NDST4: variants seen among roughly 807,000 people sequenced by gnomAD.
The protein encoded by NDST4 is N-deacetylase and N-sulfotransferase 4.
NDST4 carries 63 observed loss-of-function variants against 100.8 expected under a neutral mutation model. That is an observed-to-expected ratio of 0.62 (90% confidence interval 0.51 to 0.77). The LOEUF is 0.77. NDST4 is among the 30% of genes least tolerant of loss of function. The probability of loss-of-function intolerance (pLI) is 0.00; values close to 1 mark genes in which losing one functional copy is unlikely to be tolerated. For missense variants in NDST4, 943 were observed against 1,018.4 expected (o/e 0.93, Z 1.01); for synonymous variants, 377 against 361.8 (o/e 1.04, Z -0.48).
rs1461508006 is a variant in NDST4, at chr4:115,108,862, G to T, written c.-247+4582C>A. ...AAACCAGGTTATTAGATTAATAATT[G>T]CCACAATACTAAAGATGAGTGATTT... On this transcript the variant is annotated intron_variant, in intron 1 of 13. Coordinates refer to ENST00000264363, the MANE Select transcript of NDST4 (RefSeq NM_022569.3). Among the ~76,000 whole-genome samples the T allele has an allele frequency of 2.0e-5, 3 of 151,688 alleles. 1 individual carries two copies. The South Asian group carries it at 6.2e-4, about 31-fold the overall frequency.
intron 2 of NDST4, among the ~76,000 whole-genome samples, chr4:115,011,315 T>G (rs954379221): frequency 6.6e-6 from 1 of 152,022 alleles, no homozygotes; most frequent in Non-Finnish European, 1.5e-5. Flanking sequence ...CTGGTACTTA[T>G]CTATATTTCT....
Position 114,974,190 on chromosome 4 carries a change from C to T in NDST4, c.1066+2997G>A, listed in dbSNP as rs116788568. On this transcript the variant is annotated intron_variant, in intron 3 of 13. Coordinates refer to ENST00000264363, the MANE Select transcript of NDST4 (RefSeq NM_022569.3). ...AATTTAAGTAAACTGTGTTCAAATG[C>T]TGGCAAAATGTCAGAATCTGGATTT... 8.2e-3 allele frequency among the ~76,000 whole-genome samples: 1,246 copies of T among 151,974 alleles called. 14 individuals carry two copies. The highest frequency in any genetic ancestry group is 0.027 in the African/African-American group (1,100 of 41,474).
intron 1 of NDST4, among the ~76,000 whole-genome samples, chr4:115,113,141 A>G (rs1469060267): frequency 6.6e-6 from 1 of 151,996 alleles, no homozygotes; most frequent in Non-Finnish European, 1.5e-5. Flanking sequence ...GTTGTTATCA[A>G]ATAAGATATT....
Position 114,829,882 on chromosome 4 carries a change from G to A in NDST4, c.2407C>T (p.Gln803Ter), listed in dbSNP as rs552026693. 1 of 1,609,866 alleles carries A rather than the reference G, an allele frequency of 6.2e-7. No individual in the cohort carries two copies. Among genetic ancestry groups the A allele is most frequent in the African/African-American group, 1.3e-5 (1 of 74,804 alleles). ...AGTAATTGACACCAAAAACCCTTTT[G>A]GGGATCAAACCTACAGTACATAAAA... ...NYSEALTFDP[Q>*]KGFWCQLLEG... The change falls in exon 13 of 14, where the codon CAA becomes TAA. Residue 803 changes from glutamine (Q) to a stop codon, truncating the protein, a stop_gained. Transcript: ENST00000264363. LOFTEE classifies it high-confidence loss of function.
At chr4:115,057,977 T>G (rs1303104255) in intron 2 of NDST4, among the ~76,000 whole-genome samples, 1 of 152,112 alleles carries the variant, frequency 6.6e-6, no homozygotes, top group Non-Finnish European at 1.5e-5. Context: ...ACTGTAAGCA[T>G]GTGTATATGT....
intron 3 of NDST4, among the ~76,000 whole-genome samples, chr4:114,974,310 A>G (rs533549528): frequency 6.6e-6 from 1 of 152,256 alleles, no homozygotes; most frequent in Admixed American, 6.5e-5. Flanking sequence ...AGAAGGGGTA[A>G]GAATGTAACA....
intron 2 of NDST4, among the ~76,000 whole-genome samples, chr4:114,997,937 A>G (rs188897867): frequency 6.6e-6 from 1 of 152,208 alleles, no homozygotes; most frequent in Admixed American, 6.6e-5. Context: ...GATTTGTTGG[A>G]AATGACAGGC....
intron 6 of NDST4, among the ~76,000 whole-genome samples, chr4:114,897,090 C>T (rs970302729): frequency 6.6e-6 from 1 of 152,110 alleles, no homozygotes; most frequent in Non-Finnish European, 1.5e-5. Flanking sequence ...CATTATTACC[C>T]AGAGTCCACA....
At chr4:114,844,865 T>A (rs1723509987) in intron 10 of NDST4, among the ~76,000 whole-genome samples, 1 of 152,206 alleles carries the variant, frequency 6.6e-6, no homozygotes, top group Non-Finnish European at 1.5e-5. Flanking sequence ...TATGATCAAT[T>A]ACAGAAGGGG....
intron 6 of NDST4, among the ~76,000 whole-genome samples, chr4:114,891,540 C>T (rs73850724): frequency 0.034 from 5,235 of 152,092 alleles, 269 homozygotes; most frequent in African/African-American, 0.12. Context: ...TGATTCTACC[C>T]TACCATTTTT....
chr4:114,888,876 T>C (rs945684401), intron 6 of NDST4, among the ~76,000 whole-genome samples: 3 of 151,988 alleles, frequency 2.0e-5, no homozygotes, highest in Admixed American at 2.0e-4. Context: ...GTCATTCTCA[T>C]TTTTTTTCTT....
At position 115,026,838 on chromosome 4, in the gene NDST4, G is replaced by T. The variant is rs543236835; in HGVS notation, c.978+49221C>A. ...GTAGGACTTTAGGTAGGATTTGTCT[G>T]ATTTGTATTTTAATAGATATTTCTG... On this transcript the variant is annotated intron_variant, in intron 2 of 13. Coordinates refer to ENST00000264363, the MANE Select transcript of NDST4 (RefSeq NM_022569.3). 1.3e-5 allele frequency among the ~76,000 whole-genome samples: 2 copies of T among 152,190 alleles called. 1 individual carries two copies. The highest frequency in any genetic ancestry group is 4.1e-4 in the South Asian group (2 of 4,828).
rs575403110 is a variant in NDST4, at chr4:115,027,121, A to G, written c.978+48938T>C. Reference sequence around the variant, plus strand: ...TTTATCAGCACTGTGGATCCCCATGATATTCTCAGGATACATTTCTGCATG... The same window carrying G: ...TTTATCAGCACTGTGGATCCCCATGGTATTCTCAGGATACATTTCTGCATG... On this transcript the variant is annotated intron_variant, in intron 2 of 13. Transcript: ENST00000264363. Among the ~76,000 whole-genome samples the G allele has an allele frequency of 2.6e-5, 4 of 152,192 alleles. No individual in the cohort carries two copies. In the South Asian group the frequency reaches 8.3e-4, roughly 32 times the overall value.
intron 2 of NDST4, among the ~76,000 whole-genome samples, chr4:115,008,243 CATT>C (rs1220064895): frequency 7.7e-6 from 1 of 129,484 alleles, no homozygotes; most frequent in East Asian, 2.5e-4. Flanking sequence ...TTGATCCTGT[CATT>C]ATGATGTTAG....
intron 8 of NDST4, among the ~76,000 whole-genome samples, chr4:114,850,348 T>C (rs1166249793): frequency 2.0e-5 from 3 of 152,116 alleles, no homozygotes; most frequent in Non-Finnish European, 4.4e-5. Flanking sequence ...ACACATACCT[T>C]CATGCCTCCA....
intron 2 of NDST4, among the ~76,000 whole-genome samples, chr4:115,070,408 G>C (rs1729050075): frequency 6.6e-6 from 1 of 152,124 alleles, no homozygotes; most frequent in Non-Finnish European, 1.5e-5. Context: ...ACTGGAGGGT[G>C]GAGGGTGGGA....
intron 2 of NDST4, among the ~76,000 whole-genome samples, chr4:115,063,070 A>C (rs1728858283): frequency 1.3e-5 from 2 of 151,992 alleles, no homozygotes; most frequent in South Asian, 4.1e-4. Flanking sequence ...GTAGCAAAAA[A>C]GTGACGTGAT....
chr4:115,075,819 T>C (rs565416255), intron 2 of NDST4, among the ~76,000 whole-genome samples: 29 of 149,190 alleles, frequency 1.9e-4, no homozygotes, highest in Non-Finnish European at 2.8e-4. Context: ...AGAGATTAAG[T>C]TCACTAACTC....
intron 6 of NDST4, among the ~76,000 whole-genome samples, chr4:114,894,321 T>C (rs1204629889): frequency 6.6e-6 from 1 of 152,220 alleles, no homozygotes; most frequent in African/African-American, 2.4e-5. Flanking sequence ...ATCTATAAAT[T>C]ACTTTGGGCA....
Sources: gnomAD v4.1 joint callset for allele counts (sites outside exome capture counted in the v4.1 genomes callset) on GRCh38, gnomAD v4.1.1 for gene constraint, MANE v1.5 for transcripts, NCBI Gene and HGNC (gene_info 2026-07-23, HGNC 2026-07-21) for gene names.